Variants in TMCO1 observed in about 807,000 individuals in gnomAD.
The protein encoded by TMCO1 is transmembrane and coiled-coil domains 1, also known as calcium load-activated calcium channel.
In TMCO1, 29 loss-of-function variants were observed where a neutral mutation model predicts 29.3. The observed-to-expected ratio is 0.99, with a 90% CI of 0.74 to 1.35. The LOEUF (loss-of-function observed/expected upper bound fraction) is 1.35, where lower values mean the gene tolerates loss of function less well. Among genes scored for constraint, TMCO1 ranks in the 40% most tolerant of loss-of-function variants. TMCO1 has a pLI of 0.00. For missense variants in TMCO1, 173 were observed against 225.5 expected (o/e 0.77, Z 1.49); for synonymous variants, 80 against 77.1 (o/e 1.04, Z -0.20).
chr1:165,742,975 T>A (rs1045767967), intron 6 of TMCO1, among the ~76,000 whole-genome samples, 192 bp downstream of exon 6: 1 of 152,142 alleles, frequency 6.6e-6, no homozygotes, highest in African/African-American at 2.4e-5. Context: ...CTACTTCTCA[T>A]CCCTAAGGAT....
chr1:165,734,582 C>A (rs1001574338), intron 6 of TMCO1, among the ~76,000 whole-genome samples: 1 of 152,120 alleles, frequency 6.6e-6, no homozygotes, highest in African/African-American at 2.4e-5. Context: ...CAGCTCACTG[C>A]AACCTCCACC....
At chr1:165,738,250 G>A (rs752661165) in intron 6 of TMCO1, among the ~76,000 whole-genome samples, 21 of 152,150 alleles carry the variant, frequency 1.4e-4, no homozygotes, top group Non-Finnish European at 1.8e-4. Context: ...CTGTGATTGC[G>A]TCACTGCACT....
chr1:165,730,145 C>A (rs1431229274), intron 6 of TMCO1, among the ~76,000 whole-genome samples: 1 of 144,330 alleles, frequency 6.9e-6, no homozygotes, highest in Non-Finnish European at 1.5e-5. Context: ...CACGGTGAAA[C>A]CCCGTCTGTA....
At chr1:165,745,805 C>T (rs1306982350) in intron 5 of TMCO1, among the ~76,000 whole-genome samples, 3 of 152,036 alleles carry the variant, frequency 2.0e-5, no homozygotes, top group African/African-American at 7.2e-5. Context: ...CAATCTAAGA[C>T]ACAATATTTT....
intron 1 of TMCO1, 35 bp downstream of exon 1, chr1:165,768,647 G>T: frequency 6.2e-7 from 1 of 1,613,990 alleles, no homozygotes; most frequent in Non-Finnish European, 8.5e-7. Context: ...TCCTCCCGGG[G>T]ACTGATCAAA....
chr1:165,726,437 A>G (rs1192399760), downstream of TMCO1: 3 of 593,418 alleles, frequency 5.1e-6, no homozygotes, highest in Non-Finnish European at 9.5e-6. Flanking sequence ...GAATCACCAC[A>G]TACCCATGAG....
intron 5 of TMCO1, 132 bp downstream of exon 5, chr1:165,751,970 A>G (rs1652007530): frequency 2.7e-6 from 2 of 731,016 alleles, no homozygotes; most frequent in Non-Finnish European, 4.7e-6. Flanking sequence ...TAATGGATAT[A>G]CTATTCTTGC....
intron 5 of TMCO1, among the ~76,000 whole-genome samples, chr1:165,750,820 A>G (rs2101805474): frequency 6.6e-6 from 1 of 152,288 alleles, no homozygotes; most frequent in African/African-American, 2.4e-5. Flanking sequence ...CTGTAATCCC[A>G]GCACTTTGGG....
intron 2 of TMCO1, among the ~76,000 whole-genome samples, chr1:165,761,807 G>A (rs922096407): frequency 5.3e-5 from 8 of 150,524 alleles, no homozygotes; most frequent in Non-Finnish European, 7.4e-5. Context: ...AAATCAGCCG[G>A]CCATGGTGGT....
chr1:165,754,662 T>A (rs760774069), intron 3 of TMCO1, among the ~76,000 whole-genome samples: 10 of 152,174 alleles, frequency 6.6e-5, no homozygotes, highest in Non-Finnish European at 8.8e-5. Flanking sequence ...TTTTTTCAAT[T>A]TCTCTAAAAT....
chr1:165,752,027 C>T, intron 5 of TMCO1, 75 bp downstream of exon 5: 2 of 1,219,590 alleles, frequency 1.6e-6, no homozygotes, highest in Admixed American at 3.8e-5. Flanking sequence ...ATATTTTACC[C>T]AAAAAGTTCA....
intron 4 of TMCO1, among the ~76,000 whole-genome samples, 167 bp from the exon 5 acceptor site, chr1:165,752,336 G>C (rs1652029985): frequency 6.8e-6 from 1 of 146,642 alleles, no homozygotes; most frequent in Admixed American, 7.0e-5. Flanking sequence ...CTCACTGCAA[G>C]CTCCGTCCCC....
At chr1:165,750,802 GCTCACGC>G (rs1360138646) in intron 5 of TMCO1, among the ~76,000 whole-genome samples, 2 of 152,280 alleles carry the variant, frequency 1.3e-5, no homozygotes, top group Admixed American at 1.3e-4. Context: ...AGGCGTGGTG[GCTCACGC>G]CTGTAATCCC....
At chr1:165,726,704 G>A (rs1390525029), downstream of TMCO1, 3 of 453,990 alleles carry the variant, frequency 6.6e-6, no homozygotes, top group Non-Finnish European at 1.3e-5. Context: ...TTTCTCTGTT[G>A]ACCATTGTTT....
At chr1:165,757,130 A>T (rs1039780508) in intron 3 of TMCO1, among the ~76,000 whole-genome samples, 5 of 152,202 alleles carry the variant, frequency 3.3e-5, no homozygotes, top group Non-Finnish European at 7.3e-5. Flanking sequence ...ACTTATGAGA[A>T]CTGCTACTTT....
At position 165,750,541 on chromosome 1, in the gene TMCO1, C is replaced by CAA. The variant is rs776845482; in HGVS notation, c.323+1559_323+1560dup. Among the ~76,000 whole-genome samples, 137 of 87,526 alleles carry CAA rather than the reference C, an allele frequency of 1.6e-3. 1 individual carries two copies. Among genetic ancestry groups the CAA allele is most frequent in the African/African-American group, 4.6e-3 (102 of 22,058 alleles). The allele number at this position is 87,526 out of a possible 152,430, so 57.4% of individuals were successfully genotyped here. On this transcript the variant is annotated intron_variant, in intron 5 of 6. Coordinates refer to ENST00000367881, the MANE Select transcript of TMCO1 (RefSeq NM_019026.6). Reference sequence around the variant, plus strand: ...GGGCATAAAGAGCAAAACTCCGTCTCAAAAAAAAAAAGAAAAAAAAAAAAA... The same window carrying CAA: ...GGGCATAAAGAGCAAAACTCCGTCTCAAAAAAAAAAAAAGAAAAAAAAAAAAA...
chr1:165,752,189 T>C lies in TMCO1; in HGVS notation c.256-20A>G, dbSNP rs781679209. The C allele has an allele frequency of 6.2e-7, 1 of 1,606,250 alleles. No homozygotes were observed. The highest frequency in any genetic ancestry group is 8.5e-7 in the Non-Finnish European group (1 of 1,174,166). On this transcript the variant is annotated intron_variant, in intron 4 of 6. Transcript: ENST00000367881. The stretch of plus-strand genomic sequence containing the variant: ...TCGAACCTGTAATGAGACGAACAAA[T>C]TGTCATTTTACACTAAAAAAAAACA...
chr1:165,759,294 C>T (rs1250309106), intron 3 of TMCO1, among the ~76,000 whole-genome samples: 8 of 152,128 alleles, frequency 5.3e-5, no homozygotes, highest in Admixed American at 4.6e-4. Flanking sequence ...TGTCATTTTA[C>T]AAAACTCAAA....
chr1:165,742,392 A>G (rs1447957549), intron 6 of TMCO1, among the ~76,000 whole-genome samples: 2 of 152,060 alleles, frequency 1.3e-5, no homozygotes, highest in East Asian at 1.9e-4. Flanking sequence ...CCTCTAGGGT[A>G]GCTGGGACTA....
Sources: gnomAD v4.1 joint callset for allele counts (sites outside exome capture counted in the v4.1 genomes callset) on GRCh38, gnomAD v4.1.1 for gene constraint, MANE v1.5 for transcripts, NCBI Gene and HGNC (gene_info 2026-07-23, HGNC 2026-07-21) for gene names.